The following NDST4 variants were observed in gnomAD, a reference collection of about 807,000 sequenced individuals.
NDST4 encodes N-deacetylase and N-sulfotransferase 4.
A neutral mutation model predicts 100.8 loss-of-function variants in NDST4; 63 were observed. The ratio of observed to expected loss-of-function variants is 0.62; its 90% CI spans 0.51 to 0.77. The LOEUF (loss-of-function observed/expected upper bound fraction) is 0.77. Ranked by LOEUF, NDST4 falls within the 30% of genes least tolerant of loss-of-function variation. The pLI, the probability that NDST4 is intolerant of heterozygous loss-of-function variation, is 0.00. For synonymous variants in NDST4, 377 were observed against 361.8 expected (o/e 1.04, Z -0.48); for missense variants, 943 against 1,018.4 (o/e 0.93, Z 1.01).
At chr4:114,993,174 T>G (rs1727077383) in intron 2 of NDST4, among the ~76,000 whole-genome samples, 1 of 151,928 alleles carries the variant, frequency 6.6e-6, no homozygotes, top group African/African-American at 2.4e-5. Context: ...ATTACAAATA[T>G]TTTTGCTTAT....
chr4:114,968,167 A>C (rs1726426502), intron 4 of NDST4, among the ~76,000 whole-genome samples: 1 of 152,232 alleles, frequency 6.6e-6, no homozygotes, highest in South Asian at 2.1e-4. Flanking sequence ...TCAAAGAGTG[A>C]TGAGCTATTA....
Position 115,112,405 on chromosome 4 carries a change from T to G in NDST4, c.-247+1039A>C, listed in dbSNP as rs1267704771. 1.1e-4 allele frequency among the ~76,000 whole-genome samples: 17 copies of G among 151,848 alleles called. No homozygotes were observed. In the East Asian group the frequency reaches 3.3e-3, roughly 29 times the overall value. Reference sequence around the variant, plus strand: ...ACAGAAACACATCAGTATCTTGGTATGCAATTTATGTTAAAGCATTTATGA... The same window carrying G: ...ACAGAAACACATCAGTATCTTGGTAGGCAATTTATGTTAAAGCATTTATGA... On this transcript the variant is annotated intron_variant, in intron 1 of 13. Coordinates refer to ENST00000264363, the MANE Select transcript of NDST4 (RefSeq NM_022569.3).
At chr4:114,912,398 A>G (rs762159162) in intron 6 of NDST4, among the ~76,000 whole-genome samples, 1 of 152,106 alleles carries the variant, frequency 6.6e-6, no homozygotes, top group Non-Finnish European at 1.5e-5. Context: ...AGGAATGGAG[A>G]CTTCGTAAAT....
chr4:114,907,538 G>T (rs962189687), intron 6 of NDST4, among the ~76,000 whole-genome samples: 1 of 152,096 alleles, frequency 6.6e-6, no homozygotes, highest in Admixed American at 6.6e-5. Context: ...GTATTTATAA[G>T]CAATAAGCCA....
chr4:115,060,706 T>C (rs1190141220), intron 2 of NDST4, among the ~76,000 whole-genome samples: 2 of 151,978 alleles, frequency 1.3e-5, no homozygotes, highest in Non-Finnish European at 2.9e-5. Flanking sequence ...TACCTTTTTT[T>C]CTAGCAGCAG....
intron 2 of NDST4, among the ~76,000 whole-genome samples, chr4:114,991,509 A>G (rs1727038944): frequency 1.3e-5 from 2 of 152,100 alleles, no homozygotes; most frequent in Non-Finnish European, 2.9e-5. Context: ...GGGTATGTGG[A>G]CACAGCATGT....
intron 6 of NDST4, among the ~76,000 whole-genome samples, chr4:114,908,783 A>T (rs930662730): frequency 6.6e-6 from 1 of 152,204 alleles, no homozygotes; most frequent in Non-Finnish European, 1.5e-5. Context: ...TAAACTGATG[A>T]ATTAATGTTA....
At chr4:114,964,947 T>C (rs1726347315) in intron 4 of NDST4, among the ~76,000 whole-genome samples, 1 of 151,146 alleles carries the variant, frequency 6.6e-6, no homozygotes, top group Admixed American at 6.6e-5. Flanking sequence ...CTTTTTTCAA[T>C]GCCTTGGTGC....
Position 115,108,170 on chromosome 4 carries a change from T to C in NDST4, c.-247+5274A>G, listed in dbSNP as rs539399354. Among the ~76,000 whole-genome samples, 296 of 152,252 alleles carry C rather than the reference T, an allele frequency of 1.9e-3. 1 individual carries two copies. The highest frequency in any genetic ancestry group is 3.6e-3 in the Non-Finnish European group (246 of 67,988). ...AGAGTAATGAATAGAATTAGGACTG[T>C]TATATGCATTCACAGGAGCATATGC... On this transcript the variant is annotated intron_variant, in intron 1 of 13. Transcript: ENST00000264363.
chr4:114,830,306 T>C (rs1723167651), intron 12 of NDST4, among the ~76,000 whole-genome samples: 1 of 152,204 alleles, frequency 6.6e-6, no homozygotes, highest in Non-Finnish European at 1.5e-5. Context: ...TTCACTGGTA[T>C]ATATTAAAGG....
At chr4:115,018,788 C>A (rs551443836) in intron 2 of NDST4, among the ~76,000 whole-genome samples, 2 of 151,976 alleles carry the variant, frequency 1.3e-5, no homozygotes, top group South Asian at 4.1e-4. Flanking sequence ...AATTATTATA[C>A]ATGCTTGGTA....
intron 2 of NDST4, among the ~76,000 whole-genome samples, chr4:115,019,955 T>C (rs1727774040): frequency 6.6e-6 from 1 of 152,094 alleles, no homozygotes; most frequent in African/African-American, 2.4e-5. Context: ...CCAGTCTGTG[T>C]TATTGTGTTG....
intron 6 of NDST4, among the ~76,000 whole-genome samples, chr4:114,884,303 G>A (rs568094206): frequency 6.6e-6 from 1 of 152,152 alleles, no homozygotes; most frequent in Admixed American, 6.6e-5. Context: ...GGCAGGAAGA[G>A]GTAGTCAGAA....
chr4:114,849,917 T>C (rs1270471174), intron 8 of NDST4, among the ~76,000 whole-genome samples: 1 of 152,158 alleles, frequency 6.6e-6, no homozygotes, highest in East Asian at 1.9e-4. Context: ...AGAGCTTATA[T>C]GGTTTACTCC....
chr4:114,943,732 G>T (rs1725801627), intron 4 of NDST4, among the ~76,000 whole-genome samples: 1 of 152,020 alleles, frequency 6.6e-6, no homozygotes, highest in South Asian at 2.1e-4. Context: ...TTGAATTTTG[G>T]CTTTGCCAAG....
intron 2 of NDST4, among the ~76,000 whole-genome samples, chr4:115,021,225 C>T (rs1395076610): frequency 4.1e-5 from 5 of 122,358 alleles, no homozygotes; most frequent in Non-Finnish European, 7.9e-5. Flanking sequence ...TATATATATT[C>T]CACATATATA....
At chr4:114,830,367 C>A (rs1320786901) in intron 12 of NDST4, among the ~76,000 whole-genome samples, 1 of 152,142 alleles carries the variant, frequency 6.6e-6, no homozygotes, top group Non-Finnish European at 1.5e-5. Flanking sequence ...TGAATTAAAG[C>A]TTTCAGTTCA....
intron 1 of NDST4, among the ~76,000 whole-genome samples, chr4:115,078,736 G>A (rs1471195250): frequency 6.6e-6 from 1 of 152,012 alleles, no homozygotes; most frequent in Admixed American, 6.6e-5. Context: ...AACTACTCAG[G>A]AGGCTGAGAC....
At chr4:115,106,809 A>G (rs1729842011) in intron 1 of NDST4, among the ~76,000 whole-genome samples, 1 of 152,166 alleles carries the variant, frequency 6.6e-6, no homozygotes, top group South Asian at 2.1e-4. Context: ...TCTTACCGCC[A>G]CCAATTTGGG....
Sources: gnomAD v4.1 joint callset for allele counts (sites outside exome capture counted in the v4.1 genomes callset) on GRCh38, gnomAD v4.1.1 for gene constraint, MANE v1.5 for transcripts, NCBI Gene and HGNC (gene_info 2026-07-23, HGNC 2026-07-21) for gene names.